Variants in CECR2 observed in about 807,000 individuals in gnomAD.
CECR2 encodes chromatin remodeling regulator CECR2.
A neutral mutation model predicts 154.5 loss-of-function variants in CECR2; 30 were observed. That is an observed-to-expected ratio of 0.19 (90% CI 0.15 to 0.26). CECR2 has a LOEUF of 0.26. Among genes scored for constraint, CECR2 ranks in the 10% least tolerant of loss-of-function variants. The probability of loss-of-function intolerance (pLI) is 1.00; values close to 1 mark genes in which losing one functional copy is unlikely to be tolerated. For synonymous variants in CECR2, 725 were observed against 683.7 expected (o/e 1.06, Z -0.94); for missense variants, 1,743 against 1,829.3 (o/e 0.95, Z 0.86).
At chr22:17,449,321 T>C (rs996519744) in intron 1 of CECR2, among the ~76,000 whole-genome samples, 4 of 152,020 alleles carry the variant, frequency 2.6e-5, no homozygotes, top group African/African-American at 9.7e-5. Context: ...GTCACCTGTT[T>C]GTCTGTTTCT....
upstream of CECR2, among the ~76,000 whole-genome samples, chr22:17,368,174 A>AT (rs1601228741): frequency 6.6e-6 from 1 of 152,324 alleles, no homozygotes; most frequent in East Asian, 1.9e-4. Flanking sequence ...TTATCATAAT[A>AT]AAGTGAGGGA....
chr22:17,504,801 G>T, intron 6 of CECR2, 46 bp from the exon 7 acceptor site: 1 of 1,535,628 alleles, frequency 6.5e-7, no homozygotes, highest in South Asian at 1.1e-5. Flanking sequence ...ATAAGGAAAG[G>T]TCCTCATGGG....
chr22:17,530,770 A>G (rs1319349647), intron 9 of CECR2, among the ~76,000 whole-genome samples: 1 of 152,160 alleles, frequency 6.6e-6, no homozygotes, highest in East Asian at 1.9e-4. Context: ...TGCAGTATAC[A>G]CTTAGAATGG....
At chr22:17,464,542 C>T (rs946394069) in intron 1 of CECR2, among the ~76,000 whole-genome samples, 4 of 152,106 alleles carry the variant, frequency 2.6e-5, no homozygotes, top group Non-Finnish European at 5.9e-5. Flanking sequence ...CTTGGTCGTT[C>T]AGACTGGAGT....
Position 17,548,676 on chromosome 22 carries a change from C to T in CECR2, c.3389C>T (p.Ala1130Val). The T allele has an allele frequency of 3.1e-6, 5 of 1,613,460 alleles. No homozygotes were observed. Among genetic ancestry groups the T allele is most frequent in the Non-Finnish European group, 4.2e-6 (5 of 1,179,716 alleles). ...YMPGLEYPNSAAHYHISPGLQ... is the reference protein window; with the variant it reads ...YMPGLEYPNSVAHYHISPGLQ... ...CCTGGCCTAGAGTACCCGAATTCAG[C>T]TGCCCATTACCACATCAGTCCAGGC... Residue 1130 changes from alanine to valine, a missense_variant, in exon 17 of 19, where the codon GCT (alanine) becomes GTT (valine). Physicochemically the swap from Ala to Val is moderately conservative, Grantham distance 64 (BLOSUM62 0). This residue lies in a region of CECR2 where 1,250 missense variants were observed against 1,192.1 expected (regional missense o/e 1.05). Coordinates refer to ENST00000262608, the MANE Select transcript of CECR2 (RefSeq NM_001290047.2).
chr22:17,447,722 A>G (rs988521035), intron 1 of CECR2, among the ~76,000 whole-genome samples: 1 of 152,040 alleles, frequency 6.6e-6, no homozygotes, highest in African/African-American at 2.4e-5. Flanking sequence ...GGATCTAAAA[A>G]GTTCTCCGTG....
intron 1 of CECR2, among the ~76,000 whole-genome samples, chr22:17,466,386 A>G (rs12628533): frequency 0.15 from 22,439 of 152,206 alleles, 1,961 homozygotes; most frequent in African/African-American, 0.24. Flanking sequence ...ATCTTAGAAG[A>G]AACTTTCTAA....
At chr22:17,364,838 A>AACAAAAC (rs2062993524), upstream of CECR2, among the ~76,000 whole-genome samples, 1 of 152,022 alleles carries the variant, frequency 6.6e-6, no homozygotes, top group African/African-American at 2.4e-5. Flanking sequence ...AAAAACAAAA[A>AACAAAAC]ACAAAACAAA....
chr22:17,469,565 C>G (rs184172861), intron 1 of CECR2, among the ~76,000 whole-genome samples: 2 of 151,628 alleles, frequency 1.3e-5, no homozygotes, highest in African/African-American at 2.4e-5. Context: ...GGACAGCATA[C>G]AGCGCATCCT....
intron 9 of CECR2, among the ~76,000 whole-genome samples, chr22:17,527,397 C>G (rs528557360): frequency 1.2e-4 from 18 of 152,150 alleles, no homozygotes; most frequent in African/African-American, 4.1e-4. Context: ...GGTCCAGGCT[C>G]CAGTGAGCTG....
chr22:17,389,508 G>C (rs112558404), intron 1 of CECR2, among the ~76,000 whole-genome samples: 10,512 of 152,142 alleles, frequency 0.069, 489 homozygotes, highest in South Asian at 0.15. Flanking sequence ...GGGGTCTCAC[G>C]CTGTGTTGCC....
chr22:17,542,120 G>A, intron 15 of CECR2, 37 bp from the exon 16 acceptor site: 9 of 1,580,870 alleles, frequency 5.7e-6, no homozygotes, highest in Non-Finnish European at 6.9e-6. Flanking sequence ...GCCTTATTCT[G>A]TGAGTCTGTA....
chr22:17,462,819 A>G (rs1238854831), intron 1 of CECR2, among the ~76,000 whole-genome samples: 1 of 152,158 alleles, frequency 6.6e-6, no homozygotes, highest in Non-Finnish European at 1.5e-5. Context: ...AGGCCGAGGC[A>G]GAGAATTGCT....
chr22:17,509,626 T>C (rs534127806), intron 7 of CECR2, among the ~76,000 whole-genome samples: 1 of 152,174 alleles, frequency 6.6e-6, no homozygotes, highest in African/African-American at 2.4e-5. Flanking sequence ...GTGGGGTCCA[T>C]TTCAGTTTTC....
intron 1 of CECR2, among the ~76,000 whole-genome samples, chr22:17,467,996 C>T (rs1195786555): frequency 6.6e-6 from 1 of 152,122 alleles, no homozygotes; most frequent in Non-Finnish European, 1.5e-5. Flanking sequence ...AGAAGACAGT[C>T]ATTAGTTAGG....
chr22:17,536,547 G>A (rs2147007133), intron 9 of CECR2, among the ~76,000 whole-genome samples: 1 of 152,340 alleles, frequency 6.6e-6, no homozygotes, highest in Non-Finnish European at 1.5e-5. Flanking sequence ...ACTGGCGGCA[G>A]GGCCTGCTGC....
intron 1 of CECR2, among the ~76,000 whole-genome samples, chr22:17,378,930 A>G (rs1203556043): frequency 6.6e-6 from 1 of 152,166 alleles, no homozygotes; most frequent in African/African-American, 2.4e-5. Flanking sequence ...CATGTCACAA[A>G]CCTGGGAAAC....
intron 8 of CECR2, among the ~76,000 whole-genome samples, chr22:17,515,941 C>T (rs1454355894): frequency 1.3e-5 from 2 of 152,222 alleles, no homozygotes; most frequent in African/African-American, 2.4e-5. Flanking sequence ...TCCCAAAGTG[C>T]TGGGATTACA....
intron 2 of CECR2, among the ~76,000 whole-genome samples, chr22:17,486,040 C>T (rs1010936629): frequency 4.6e-5 from 7 of 152,100 alleles, no homozygotes; most frequent in African/African-American, 1.4e-4. Context: ...AGTGCTGTGG[C>T]GCAGTCATAG....
Sources: allele counts gnomAD v4.1 joint callset (sites outside exome capture counted in the v4.1 genomes callset), GRCh38; gene constraint gnomAD v4.1.1; regional missense constraint gnomAD v4.1.1; transcripts MANE v1.5; gene names NCBI Gene and HGNC (gene_info 2026-07-23, HGNC 2026-07-21).